KCNMA1: variants seen among roughly 807,000 people sequenced by gnomAD.
KCNMA1 encodes Calcium-activated potassium channel subunit alpha-1.
KCNMA1 carries 29 observed loss-of-function variants against 140.0 expected under a neutral mutation model. The ratio of observed to expected loss-of-function variants is 0.21; its 90% CI spans 0.15 to 0.28. The LOEUF is 0.28. KCNMA1 is among the 10% of genes least tolerant of loss of function. KCNMA1 has a pLI of 1.00. For missense variants in KCNMA1, 880 were observed against 1,602.2 expected, an observed-to-expected ratio of 0.55 and a Z score of 7.70; for synonymous variants, 612 against 611.9, an observed-to-expected ratio of 1.00 and a Z score of 0.00.
At chr10:76,994,341 T>C (rs1005144860) in intron 19 of KCNMA1, among the ~76,000 whole-genome samples, 1 of 152,218 alleles carries the variant, frequency 6.6e-6, no homozygotes, top group Non-Finnish European at 1.5e-5. Context: ...GCAAATGCTA[T>C]ATAAGTGTTA....
At chr10:77,637,076 C>G in intron 1 of KCNMA1, 189 bp downstream of exon 1, 1 of 1,351,344 alleles carries the variant, frequency 7.4e-7, no homozygotes, top group Non-Finnish European at 9.7e-7. Context: ...CAACTCCTCA[C>G]CCCCGGCGCG....
intron 2 of KCNMA1, among the ~76,000 whole-genome samples, chr10:77,362,695 T>C (rs2094074567): frequency 1.3e-5 from 2 of 152,170 alleles, no homozygotes; most frequent in East Asian, 1.9e-4. Flanking sequence ...ACACTAGAAT[T>C]GCTGCCAGTC....
intron 3 of KCNMA1, among the ~76,000 whole-genome samples, chr10:77,240,025 A>C (rs971634876): frequency 3.3e-5 from 5 of 152,190 alleles, no homozygotes; most frequent in Non-Finnish European, 5.9e-5. Context: ...ACACTTACAC[A>C]CTTAGTATAA....
At chr10:77,084,814 TTGC>T in intron 11 of KCNMA1, 95 bp from the exon 12 acceptor site, 1 of 875,756 alleles carries the variant, frequency 1.1e-6, no homozygotes, top group Admixed American at 2.1e-5. Context: ...TGGGGAAGCT[TTGC>T]AAAGAAAAAA....
At position 77,371,794 on chromosome 10, in the gene KCNMA1, C is replaced by A. The variant is rs569876639; in HGVS notation, c.540+32068G>T. Among the ~76,000 whole-genome samples the A allele has an allele frequency of 2.6e-5, 4 of 152,316 alleles. No individual in the cohort carries two copies. In the South Asian group the frequency reaches 8.3e-4, roughly 32 times the overall value. ...CTTATTCAATCTCTTCTCCTGGGAA[C>A]CCTGGAAAATCTCTCTGCTTCTAGG... On this transcript the variant is annotated intron_variant, in intron 2 of 27. Transcript: ENST00000286628.
Position 77,436,957 on chromosome 10 carries a change from T to TACACACACAC in KCNMA1, c.379-32944_379-32935dup, listed in dbSNP as rs10536103. On this transcript the variant is annotated intron_variant, in intron 1 of 27. Transcript: ENST00000286628. Reference sequence around the variant, plus strand: ...TCCTACTATTCCAGTCTTCTTTCTTTACACACACACACACACACACACACA... The same window carrying TACACACACAC: ...TCCTACTATTCCAGTCTTCTTTCTTTACACACACACACACACACACACACACACACACACA... Among the ~76,000 whole-genome samples the TACACACACAC allele has an allele frequency of 3.0e-3, 405 of 134,840 alleles. 3 individuals carry two copies. The highest frequency in any genetic ancestry group is 9.9e-3 in the African/African-American group (354 of 35,602). The allele number at this position is 134,840 out of a possible 152,430, so 88.5% of individuals were successfully genotyped here. A position where few individuals can be genotyped will look rare whatever the true frequency, so the allele number is the denominator to read the frequency against.
intron 18 of KCNMA1, among the ~76,000 whole-genome samples, chr10:77,007,653 G>GTGTATATATATGTATATATATATATATA: frequency 1.1e-5 from 1 of 88,482 alleles, no homozygotes; most frequent in African/African-American, 4.5e-5. Context: ...TTGTGTGTGT[G>GTGTATATATATGTATATATATATATATA]TATATATATA....
intron 1 of KCNMA1, among the ~76,000 whole-genome samples, chr10:77,629,758 T>A (rs2092968838): frequency 6.6e-6 from 1 of 152,244 alleles, no homozygotes; most frequent in Admixed American, 6.5e-5. Flanking sequence ...GCTTGGTTTC[T>A]GGCACATCGT....
chr10:77,177,650 C>A (rs1220799561), intron 5 of KCNMA1, among the ~76,000 whole-genome samples: 2 of 152,022 alleles, frequency 1.3e-5, no homozygotes, highest in Admixed American at 6.6e-5. Flanking sequence ...TGTGGGTACA[C>A]ACCATGCTCC....
intron 2 of KCNMA1, among the ~76,000 whole-genome samples, chr10:77,391,874 C>G (rs1487812078): frequency 6.6e-6 from 1 of 151,714 alleles, no homozygotes; most frequent in Admixed American, 6.6e-5. Flanking sequence ...ATCATCATCT[C>G]TATTTTTGAG....
intron 25 of KCNMA1, among the ~76,000 whole-genome samples, chr10:76,895,986 A>G (rs907044303): frequency 6.6e-6 from 1 of 152,248 alleles, no homozygotes; most frequent in Non-Finnish European, 1.5e-5. Flanking sequence ...GGGCAAAACT[A>G]GAATTATTAA....
rs535487992 is a variant in KCNMA1, at chr10:76,963,677, T to C, written c.2360+6297A>G. On this transcript the variant is annotated intron_variant, in intron 20 of 27. Transcript: ENST00000286628. ...CACTTGATTCTTGATGGGGATTTACTGACTAGATGCTGCACTAATGACTCT... is the reference window on the plus strand; with the variant it reads ...CACTTGATTCTTGATGGGGATTTACCGACTAGATGCTGCACTAATGACTCT... 4.6e-5 allele frequency among the ~76,000 whole-genome samples: 7 copies of C among 152,328 alleles called. No homozygotes were observed. The South Asian group carries it at 1.2e-3, about 27-fold the overall frequency.
At chr10:77,156,797 T>A (rs1219604896) in intron 5 of KCNMA1, among the ~76,000 whole-genome samples, 1 of 152,274 alleles carries the variant, frequency 6.6e-6, no homozygotes, top group Non-Finnish European at 1.5e-5. Context: ...TGACCCCACC[T>A]GGACCCAAGA....
At chr10:77,506,450 T>C (rs1390749879) in intron 1 of KCNMA1, among the ~76,000 whole-genome samples, 1 of 152,028 alleles carries the variant, frequency 6.6e-6, no homozygotes, top group Non-Finnish European at 1.5e-5. Context: ...ACAGTCAGAG[T>C]TGATGTTTTT....
At chr10:77,228,391 A>G (rs1264829047) in intron 3 of KCNMA1, among the ~76,000 whole-genome samples, 1 of 152,206 alleles carries the variant, frequency 6.6e-6, no homozygotes, top group Non-Finnish European at 1.5e-5. Flanking sequence ...CAAGATGGAA[A>G]AATGAGATTT....
At chr10:77,112,614 G>A (rs1284600140) in intron 6 of KCNMA1, among the ~76,000 whole-genome samples, 172 bp from the exon 7 acceptor site, 1 of 152,148 alleles carries the variant, frequency 6.6e-6, no homozygotes, top group Non-Finnish European at 1.5e-5. Context: ...TGGGATGAAG[G>A]TCAGGACAGA....
chr10:77,518,883 G>A (rs2051656363), intron 1 of KCNMA1, among the ~76,000 whole-genome samples: 1 of 152,176 alleles, frequency 6.6e-6, no homozygotes, highest in Non-Finnish European at 1.5e-5. Context: ...CGCCTGCACT[G>A]TATGAATGCA....
rs79866794 is a variant in KCNMA1 at position 76,949,407 on chromosome 10, G to A, written c.2485-41C>T. On this transcript the variant is annotated intron_variant, in intron 21 of 27. Transcript: ENST00000286628. ...GTGGGTAAGAGTCAGAGAGAAGACT[G>A]CATAGGGCTGTTGTAAGGAGTGAAA... The A allele has an allele frequency of 9.9e-3, 14,585 of 1,476,188 alleles. 189 individuals are homozygous for A. Among genetic ancestry groups the A allele is most frequent in the Middle Eastern group, 0.025 (143 of 5,680 alleles). 91.4% of individuals were successfully genotyped at this position (1,476,188 alleles called of 1,614,324 possible).
chr10:77,064,833 TAAAC>T (rs768399869), intron 14 of KCNMA1, among the ~76,000 whole-genome samples: 2 of 152,210 alleles, frequency 1.3e-5, no homozygotes, highest in Non-Finnish European at 2.9e-5. Flanking sequence ...TTTGTGAACT[TAAAC>T]AACACACTGA....
Sources: gnomAD v4.1 joint callset for allele counts (sites outside exome capture counted in the v4.1 genomes callset) on GRCh38, gnomAD v4.1.1 for gene constraint, MANE v1.5 for transcripts, NCBI Gene and HGNC (gene_info 2026-07-23, HGNC 2026-07-21) for gene names.